The following TNKS2 variants were observed in gnomAD, a reference collection of about 807,000 sequenced individuals.
TNKS2 encodes the protein tankyrase 2.
In TNKS2, 72 loss-of-function variants were observed where a neutral mutation model predicts 137.6. The observed-to-expected ratio is 0.52, with a 90% CI of 0.43 to 0.64. TNKS2 has a LOEUF of 0.64. Among genes scored for constraint, TNKS2 ranks in the 30% least tolerant of loss-of-function variants. The probability of loss-of-function intolerance (pLI) is 0.00; values close to 1 mark genes in which losing one functional copy is unlikely to be tolerated. For missense variants in TNKS2, 1,049 were observed against 1,410.2 expected (o/e 0.74, Z 4.10); for synonymous variants, 516 against 512.1 (o/e 1.01, Z -0.10).
At chr10:91,855,203 C>A in intron 22 of TNKS2, 77 bp downstream of exon 22, 1 of 920,896 alleles carries the variant, frequency 1.1e-6, no homozygotes, top group Non-Finnish European at 1.7e-6. Context: ...TCTTTTTCTT[C>A]CTTTAGTTTG....
chr10:91,858,092 A>C (rs915207725), intron 24 of TNKS2, among the ~76,000 whole-genome samples: 1 of 152,194 alleles, frequency 6.6e-6, no homozygotes, highest in East Asian at 1.9e-4. Context: ...TTCAAATTTT[A>C]GCAAAGTTAA....
chr10:91,804,461 G>C (rs1288615637), intron 1 of TNKS2, among the ~76,000 whole-genome samples: 1 of 152,202 alleles, frequency 6.6e-6, no homozygotes, highest in Non-Finnish European at 1.5e-5. Flanking sequence ...GTTGAGTGCT[G>C]TTCCATAATT....
At chr10:91,823,189 G>T (rs1166913661) in intron 7 of TNKS2, among the ~76,000 whole-genome samples, 1 of 152,024 alleles carries the variant, frequency 6.6e-6, no homozygotes, top group East Asian at 1.9e-4. Flanking sequence ...AGCAAGATTT[G>T]CCAGTTGTAC....
At chr10:91,840,727 T>G (rs368738983) in intron 14 of TNKS2, 21 bp downstream of exon 14, 4 of 1,600,624 alleles carry the variant, frequency 2.5e-6, no homozygotes, top group Non-Finnish European at 3.4e-6. Context: ...ATGATTGTTA[T>G]GGACTCTCTT....
At chr10:91,817,342 G>A in intron 3 of TNKS2, 113 bp downstream of exon 3, 1 of 591,324 alleles carries the variant, frequency 1.7e-6, no homozygotes, top group Non-Finnish European at 3.1e-6. Context: ...AATAGTGTCA[G>A]TTCAGTAGCT....
chr10:91,801,697 C>T (rs1844178062), intron 1 of TNKS2, among the ~76,000 whole-genome samples: 1 of 152,136 alleles, frequency 6.6e-6, no homozygotes, highest in Non-Finnish European at 1.5e-5. Context: ...TGGTCTCAAA[C>T]TCCTGATCTC....
intron 10 of TNKS2, 21 bp downstream of exon 10, chr10:91,831,035 T>C (rs530162136): frequency 6.2e-7 from 1 of 1,607,470 alleles, no homozygotes; most frequent in Admixed American, 1.7e-5. Context: ...ATTTAATGAT[T>C]AAATATCATT....
chr10:91,798,979 C>G lies in TNKS2; in HGVS notation c.199+90C>G. 5 of 1,262,460 alleles carry G rather than the reference C, an allele frequency of 4.0e-6. No homozygotes were observed. In the South Asian group the frequency reaches 1.2e-4, roughly 30 times the overall value. The allele number at this position is 1,262,460 out of a possible 1,614,324, so 78.2% of individuals were successfully genotyped here. A position where few individuals can be genotyped will look rare whatever the true frequency, so the allele number is the denominator to read the frequency against. On this transcript the variant is annotated intron_variant, in intron 1 of 26. Coordinates refer to ENST00000371627, the MANE Select transcript of TNKS2 (RefSeq NM_025235.4). The stretch of plus-strand genomic sequence containing the variant: ...TCTGAAACCAGTGCTCCTCCGCCTC[C>G]CGACCTTTCTCCAGGACTCTGGTCC...
chr10:91,836,302 C>T (rs529789230), intron 12 of TNKS2, among the ~76,000 whole-genome samples: 1 of 151,808 alleles, frequency 6.6e-6, no homozygotes, highest in Non-Finnish European at 1.5e-5. Flanking sequence ...AATATTCCCC[C>T]GTTTTCTTCT....
intron 7 of TNKS2, among the ~76,000 whole-genome samples, chr10:91,825,549 C>A (rs2133623580): frequency 6.6e-6 from 1 of 152,260 alleles, no homozygotes; most frequent in East Asian, 1.9e-4. Flanking sequence ...GTTAAAAGTG[C>A]ATATTTTAAC....
At chr10:91,854,414 A>G (rs940428710) in intron 21 of TNKS2, among the ~76,000 whole-genome samples, 2 of 152,182 alleles carry the variant, frequency 1.3e-5, no homozygotes, top group African/African-American at 4.8e-5. Context: ...TTTTGATCCT[A>G]GAACAAAAAA....
intron 16 of TNKS2, among the ~76,000 whole-genome samples, chr10:91,843,151 T>C (rs1157145702): frequency 1.3e-5 from 2 of 152,186 alleles, no homozygotes; most frequent in Non-Finnish European, 2.9e-5. Flanking sequence ...ACCAAAGTTA[T>C]CTGTTGTTTT....
In TNKS2 at chr10:91,841,378, T is replaced by C. The variant is rs749909837; in HGVS notation, c.1769T>C (p.Leu590Ser). 1 of 1,610,210 alleles carries C rather than the reference T, an allele frequency of 6.2e-7. No individual in the cohort carries two copies. Among genetic ancestry groups the C allele is most frequent in the South Asian group, 1.1e-5 (1 of 90,374 alleles). The change falls in exon 15 of 27, where the codon TTA becomes TCA. Residue 590 changes from leucine to serine, a missense_variant. Coordinates refer to ENST00000371627, the MANE Select transcript of TNKS2 (RefSeq NM_025235.4). The part of the protein sequence containing the change: ...KHGAVVNVAD[L>S]WKFTPLHEAA... ...GGAGCAGTAGTTAATGTAGCTGATT[T>C]ATGGAAATTTACACCTTTACATGAA... is the stretch of plus-strand genomic sequence containing the variant.
Position 91,845,919 on chromosome 10 carries a change from A to C in TNKS2, c.2337A>C (p.Gln779His). 2 of 1,574,598 alleles carry C rather than the reference A, an allele frequency of 1.3e-6. No homozygotes were observed. Among genetic ancestry groups the C allele is most frequent in the Non-Finnish European group, 1.7e-6 (2 of 1,152,198 alleles). The change falls in exon 18 of 27, where the codon CAA becomes CAC. Residue 779 changes from glutamine to histidine, a missense_variant. Physicochemically the swap from Gln to His is conservative, Grantham distance 24 (BLOSUM62 0). Coordinates refer to ENST00000371627, the MANE Select transcript of TNKS2 (RefSeq NM_025235.4). ...ADPTLKNQEGQTPLDLVSADD... is the reference protein window; with the variant it reads ...ADPTLKNQEGHTPLDLVSADD... ...CGACTCTTAAAAATCAGGAAGGACA[A>C]ACACCTTTAGATTTAGTTTCAGTAA...
intron 8 of TNKS2, among the ~76,000 whole-genome samples, chr10:91,827,515 TTAATC>T (rs757961687): frequency 9.2e-5 from 14 of 152,204 alleles, no homozygotes; most frequent in Non-Finnish European, 1.8e-4. Context: ...ATTTTTCTGT[TTAATC>T]TATGAAGCTT....
At chr10:91,835,377 C>A (rs1214778035) in intron 12 of TNKS2, among the ~76,000 whole-genome samples, 2 of 150,948 alleles carry the variant, frequency 1.3e-5, no homozygotes, top group Non-Finnish European at 2.9e-5. Flanking sequence ...GCAACCTCTG[C>A]CTCCTGGGTT....
intron 24 of TNKS2, 95 bp downstream of exon 24, chr10:91,857,625 A>G (rs974810380): frequency 4.6e-5 from 28 of 612,974 alleles, no homozygotes; most frequent in Admixed American, 7.0e-5. Context: ...TATATTCTTT[A>G]TGTCAGTATT....
chr10:91,850,344 G>A (rs536896293), intron 20 of TNKS2, among the ~76,000 whole-genome samples: 45 of 145,762 alleles, frequency 3.1e-4, no homozygotes, highest in Admixed American at 1.6e-3. Context: ...CTCCAGCCTC[G>A]GCAACAGAGC....
At chr10:91,827,721 T>C (rs973818465) in intron 8 of TNKS2, among the ~76,000 whole-genome samples, 6 of 152,228 alleles carry the variant, frequency 3.9e-5, no homozygotes, top group Non-Finnish European at 8.8e-5. Flanking sequence ...ATATTGGATT[T>C]ATATTATCCT....
Sources: gnomAD v4.1 joint callset for allele counts (sites outside exome capture counted in the v4.1 genomes callset) on GRCh38, gnomAD v4.1.1 for gene constraint, MANE v1.5 for transcripts, NCBI Gene and HGNC (gene_info 2026-07-23, HGNC 2026-07-21) for gene names.